Variants in TSPAN15 observed in about 807,000 individuals in gnomAD.
TSPAN15 encodes the protein tetraspanin 15.
TSPAN15 carries 20 observed loss-of-function variants against 34.5 expected under a neutral mutation model. The observed-to-expected ratio is 0.58, with a 90% CI of 0.41 to 0.84. The LOEUF is 0.84. TSPAN15 is among the 40% of genes least tolerant of loss of function. The pLI is 0.00. For missense variants in TSPAN15, 313 were observed against 386.1 expected, an observed-to-expected ratio of 0.81 and a Z score of 1.59; for synonymous variants, 155 against 153.9, an observed-to-expected ratio of 1.01 and a Z score of -0.05.
chr10:69,484,998 G>C, intron 2 of TSPAN15, 143 bp from the exon 3 acceptor site: 1 of 751,302 alleles, frequency 1.3e-6, no homozygotes, highest in Non-Finnish European at 2.3e-6. Context: ...CACAGGAGGA[G>C]GGGGCAGAGG....
intron 1 of TSPAN15, among the ~76,000 whole-genome samples, chr10:69,465,585 C>T (rs1460631600): frequency 6.6e-6 from 1 of 152,236 alleles, no homozygotes; most frequent in Non-Finnish European, 1.5e-5. Context: ...TCTCTCACTT[C>T]AACCTCCAGC....
rs1355847322 is a variant in TSPAN15, at chr10:69,507,232, C to A, written c.*254C>A. On this transcript the variant is annotated 3_prime_UTR_variant, in exon 8 of 8. Coordinates refer to ENST00000373290, the MANE Select transcript of TSPAN15 (RefSeq NM_012339.5). ...CCTGGGGCCTGGGGAACAAGGCCCT[C>A]CTTTCTCCAGGCCTGGGCTACGGGG... is the stretch of plus-strand genomic sequence containing the variant. The A allele has an allele frequency of 7.2e-6, 10 of 1,388,596 alleles. No individual in the cohort carries two copies. In the African/African-American group the frequency reaches 1.3e-4, roughly 18 times the overall value. The allele number at this position is 1,388,596 out of a possible 1,614,324, so 86.0% of individuals were successfully genotyped here.
At chr10:69,539,705 G>A in the TSPAN15 span, among the ~76,000 whole-genome samples, 1 of 152,096 alleles carries the variant, frequency 6.6e-6, no homozygotes, top group South Asian at 2.1e-4. Flanking sequence ...CATGGTGAGA[G>A]GAGCTCAGAT....
intron 1 of TSPAN15, among the ~76,000 whole-genome samples, chr10:69,480,053 G>C (rs559411832): frequency 4.6e-5 from 7 of 152,340 alleles, no homozygotes; most frequent in African/African-American, 1.4e-4. Flanking sequence ...CAGAGCAAGG[G>C]GTTTTGTTTT....
Position 69,498,315 on chromosome 10 carries a change from G to GAGCAAGAATCAGTACC in TSPAN15, c.491_506dup (p.His169GlnfsTer107). 6.2e-7 allele frequency: 1 copy of GAGCAAGAATCAGTACC among 1,613,918 alleles called. No homozygotes were observed. Among genetic ancestry groups the GAGCAAGAATCAGTACC allele is most frequent in the Non-Finnish European group, 8.5e-7 (1 of 1,179,994 alleles). ...GTGGCGGGGAGGACTACCGAGATTG[G>GAGCAAGAATCAGTACC]AGCAAGAATCAGTACCACGACTGCA... On this transcript the variant is annotated frameshift_variant, in exon 5 of 8. Transcript: ENST00000373290. LOFTEE classifies it high-confidence loss of function.
At position 69,506,012 on chromosome 10, in the gene TSPAN15, G is replaced by C; in HGVS notation, c.619-112G>C. 1.1e-5 allele frequency: 9 copies of C among 785,830 alleles called. No homozygotes were observed. In the South Asian group the frequency reaches 1.5e-4, roughly 13 times the overall value. The allele number at this position is 785,830 out of a possible 1,614,324, so 48.7% of individuals were successfully genotyped here. A position where few individuals can be genotyped will look rare whatever the true frequency, so the allele number is the denominator to read the frequency against. ...CTCATGCTGCATATGGGAAACTGAG[G>C]ATCACAGCGGTTGAGGGACTAGCCT... On this transcript the variant is annotated intron_variant, in intron 6 of 7. Transcript: ENST00000373290. The surrounding 1 kb of genome is among the most constrained non-coding windows in gnomAD (Gnocchi z 4.7).
chr10:69,485,671 A>G (rs950390087), intron 3 of TSPAN15, among the ~76,000 whole-genome samples: 1 of 152,064 alleles, frequency 6.6e-6, no homozygotes, highest in Admixed American at 6.5e-5. Context: ...GGAGAGTCTT[A>G]TGTGGGAAGC....
chr10:69,539,366 C>CA, the TSPAN15 span, among the ~76,000 whole-genome samples: 16 of 99,918 alleles, frequency 1.6e-4, no homozygotes, highest in African/African-American at 4.8e-4. Context: ...ATTCATGTAA[C>CA]AAAAAAAATA....
chr10:69,484,212 A>T (rs573942046), intron 2 of TSPAN15: 22 of 216,964 alleles, frequency 1.0e-4, no homozygotes, highest in Non-Finnish European at 1.9e-4. Flanking sequence ...CAGCAAACCC[A>T]CACTGGGTCC....
chr10:69,454,992 G>A (rs371704397), intron 1 of TSPAN15, among the ~76,000 whole-genome samples: 11 of 151,934 alleles, frequency 7.2e-5, no homozygotes, highest in African/African-American at 2.2e-4. Context: ...GCGGAACCCC[G>A]TCTTTACTAA....
At chr10:69,486,890 C>T (rs1841865908) in intron 3 of TSPAN15, among the ~76,000 whole-genome samples, 1 of 152,220 alleles carries the variant, frequency 6.6e-6, no homozygotes, top group East Asian at 1.9e-4. Flanking sequence ...GCTGCTTCTC[C>T]CTTTTCCTCT....
chr10:69,515,358 G>C, the TSPAN15 span, among the ~76,000 whole-genome samples: 2 of 152,022 alleles, frequency 1.3e-5, no homozygotes, highest in African/African-American at 4.8e-5. Context: ...TCAGCAGGTC[G>C]CCAGGGCTGA....
chr10:69,495,514 C>A, intron 3 of TSPAN15, 80 bp from the exon 4 acceptor site: 1 of 1,027,396 alleles, frequency 9.7e-7, no homozygotes, highest in Non-Finnish European at 1.5e-6. Context: ...ATTCTCTACC[C>A]ATCCAGGCTT....
At position 69,506,170 on chromosome 10, in the gene TSPAN15, C is replaced by T; in HGVS notation, c.665C>T (p.Ala222Val). Residue 222 changes from alanine (A) to valine (V), a missense_variant, in exon 7 of 8, where the codon GCC becomes GTC. Physicochemically the swap from Ala to Val is moderately conservative, Grantham distance 64. Coordinates refer to ENST00000373290, the MANE Select transcript of TSPAN15 (RefSeq NM_012339.5). This position sits in a 1 kb window ranked among gnomAD's most constrained non-coding sequence, Gnocchi z 4.7. ...ATCTACGTGCGGGGCTGCACCAACG[C>T]CGTGATCATCTGGTTCATGGACAAC... ...DVIYVRGCTN[A>V]VIIWFMDNYT... The T allele has an allele frequency of 6.2e-7, 1 of 1,614,194 alleles. No homozygotes were observed. The highest frequency in any genetic ancestry group is 8.5e-7 in the Non-Finnish European group (1 of 1,180,034).
chr10:69,521,008 T>TC, the TSPAN15 span, among the ~76,000 whole-genome samples: 1 of 151,684 alleles, frequency 6.6e-6, no homozygotes, highest in African/African-American at 2.4e-5. Flanking sequence ...TTTTTTTTTT[T>TC]TGGACAATAG....
chr10:69,453,426 T>G lies in TSPAN15; in HGVS notation c.96+1736T>G, dbSNP rs150853470. On this transcript the variant is annotated intron_variant, in intron 1 of 7. Transcript: ENST00000373290. The stretch of plus-strand genomic sequence containing the variant: ...CCAGGATTTCTGTGCCTGCCCCTTG[T>G]GTGTTCTGTGAGCCCTTCTCTCTGT... Among the ~76,000 whole-genome samples the G allele has an allele frequency of 4.9e-3, 753 of 152,254 alleles. 5 individuals carry two copies. Among genetic ancestry groups the G allele is most frequent in the African/African-American group, 0.017 (718 of 41,552 alleles).
At chr10:69,534,707 G>A in the TSPAN15 span, among the ~76,000 whole-genome samples, 11 of 151,954 alleles carry the variant, frequency 7.2e-5, no homozygotes, top group Non-Finnish European at 1.2e-4. Flanking sequence ...ATTGGGCCAG[G>A]TGTAGTGGCT....
rs757184848 is a variant in TSPAN15 at position 69,455,574 on chromosome 10, TTTTC to T, written c.96+3898_96+3901del. Among the ~76,000 whole-genome samples, 28 of 113,922 alleles carry T rather than the reference TTTTC, an allele frequency of 2.5e-4. 1 individual carries two copies. The Middle Eastern group carries it at 0.012, about 50-fold the overall frequency. The allele number at this position is 113,922 out of a possible 152,430, so 74.7% of individuals were successfully genotyped here. The stretch of plus-strand genomic sequence containing the variant: ...CTCTCTCTCTCTTTCTTTCTTTCTC[TTTTC>T]TTTCTTTCTTTCTCTTTCTTTCTTT... On this transcript the variant is annotated intron_variant, in intron 1 of 7. Transcript: ENST00000373290.
chr10:69,528,055 T>C, the TSPAN15 span, among the ~76,000 whole-genome samples: 2 of 148,250 alleles, frequency 1.3e-5, 1 homozygote, highest in Non-Finnish European at 3.0e-5. Context: ...CCTGGCGCAC[T>C]GCACTCATGC....
Sources: allele counts gnomAD v4.1 joint callset (sites outside exome capture counted in the v4.1 genomes callset), GRCh38; gene constraint gnomAD v4.1.1; non-coding constraint Gnocchi (gnomAD v3.1); transcripts MANE v1.5; gene names NCBI Gene and HGNC (gene_info 2026-07-23, HGNC 2026-07-21).